Variants in DNAH11 observed in about 807,000 individuals in gnomAD.
DNAH11 encodes the protein dynein axonemal heavy chain 11.
Under a neutral mutation model 526.0 loss-of-function variants are expected in DNAH11, and 442 were observed. That is an observed-to-expected ratio of 0.84 (90% CI 0.78 to 0.91). The LOEUF is 0.91. Among genes scored for constraint, DNAH11 ranks in the 40% least tolerant of loss-of-function variants. The pLI is 0.00. For missense variants in DNAH11, 6,989 were observed against 5,448.7 expected (o/e 1.28, Z -8.90); for synonymous variants, 2,461 against 1,935.9 (o/e 1.27, Z -7.12).
At chr7:21,705,013 C>T (rs572406356) in intron 38 of DNAH11, among the ~76,000 whole-genome samples, 1 of 152,192 alleles carries the variant, frequency 6.6e-6, no homozygotes, top group Admixed American at 6.5e-5. Flanking sequence ...ATGAGAATAA[C>T]TTAAGTAGAT....
At position 21,601,185 on chromosome 7, in the gene DNAH11, C is replaced by G. The variant is rs1244760264; in HGVS notation, c.3425+6C>G. 16 of 1,581,444 alleles carry G rather than the reference C, an allele frequency of 1.0e-5. No homozygotes were observed. Among genetic ancestry groups the G allele is most frequent in the Non-Finnish European group, 1.3e-5 (15 of 1,170,188 alleles). On this transcript the variant is annotated splice_donor_region_variant and intron_variant, in intron 17 of 81. Coordinates refer to ENST00000409508, the MANE Select transcript of DNAH11 (RefSeq NM_001277115.2). ...TTGAGATTTGTCATTGACAGGTAGC[C>G]TTTTACTTTGGTTTTTGGAATTATA...
intron 20 of DNAH11, among the ~76,000 whole-genome samples, chr7:21,613,144 A>G (rs891552337): frequency 1.3e-5 from 2 of 151,148 alleles, no homozygotes; most frequent in African/African-American, 2.5e-5. Flanking sequence ...ATGTAGTACT[A>G]TGCAGTAGGG....
In DNAH11 at chr7:21,690,828, C is replaced by T; in HGVS notation, c.5988C>T (p.Asn1996=). 1.2e-6 allele frequency: 2 copies of T among 1,612,814 alleles called. No individual in the cohort carries two copies. The highest frequency in any genetic ancestry group is 1.3e-5 in the African/African-American group (1 of 74,976). Residue 1996 remains asparagine, a synonymous_variant, in exon 35 of 82, where the codon AAC becomes AAT. Transcript: ENST00000409508. ...CAGTTGGAATATTTATTACTATGAA[C>T]CCGGGTTATGCTGGTCGAACCGAAT... ...KPSVGIFITM[N]PGYAGRTELP...
chr7:21,592,002 G>C (rs1562685180), intron 14 of DNAH11, among the ~76,000 whole-genome samples: 1 of 151,904 alleles, frequency 6.6e-6, no homozygotes, highest in Non-Finnish European at 1.5e-5. Context: ...ACAAAGATTT[G>C]AGTTCCTAAA....
chr7:21,837,130 A>G (rs1034282916), intron 65 of DNAH11, among the ~76,000 whole-genome samples: 2 of 152,196 alleles, frequency 1.3e-5, no homozygotes, highest in Admixed American at 1.3e-4. Context: ...GGGGATGCTT[A>G]TACACCATTG....
At chr7:21,587,642 G>A (rs1174333013) in intron 9 of DNAH11, among the ~76,000 whole-genome samples, 1 of 152,038 alleles carries the variant, frequency 6.6e-6, no homozygotes, top group African/African-American at 2.4e-5. Context: ...AATTATTCAT[G>A]CTGTGACCTA....
chr7:21,641,144 A>G (rs368392627), intron 28 of DNAH11, among the ~76,000 whole-genome samples: 3 of 152,112 alleles, frequency 2.0e-5, no homozygotes, highest in East Asian at 1.9e-4. Flanking sequence ...CTCCTTTTCT[A>G]CCTAGGCAGA....
chr7:21,698,079 T>A lies in DNAH11; in HGVS notation c.6046T>A (p.Cys2016Ser). 1 of 1,610,762 alleles carries A rather than the reference T, an allele frequency of 6.2e-7. No individual in the cohort carries two copies. Among genetic ancestry groups the A allele is most frequent in the East Asian group, 2.2e-5 (1 of 44,858 alleles). ...PENLKALFRP[C>S]AMVAPDIELI... ...AAATTCTTATTTACTTTTTAGACCC[T>A]GTGCCATGGTGGCCCCTGACATTGA... Residue 2016 changes from cysteine (C) to serine (S), a missense_variant, in exon 36 of 82, where the codon TGT (cysteine) becomes AGT (serine). Coordinates refer to ENST00000409508, the MANE Select transcript of DNAH11 (RefSeq NM_001277115.2).
At chr7:21,561,193 T>A in intron 5 of DNAH11, 23 bp downstream of exon 5, 1 of 1,517,552 alleles carries the variant, frequency 6.6e-7, no homozygotes, top group Non-Finnish European at 9.0e-7. Flanking sequence ...TTCCTCAGCC[T>A]GGCATCAATA....
At chr7:21,606,349 T>A in intron 18 of DNAH11, 77 bp from the exon 19 acceptor site, 1 of 1,174,378 alleles carries the variant, frequency 8.5e-7, no homozygotes, top group Admixed American at 2.7e-5. Context: ...AGAAAGAAAT[T>A]AGAGTCATTT....
chr7:21,576,825 AAC>A (rs1402982383), intron 8 of DNAH11, among the ~76,000 whole-genome samples: 4 of 152,238 alleles, frequency 2.6e-5, no homozygotes, highest in Non-Finnish European at 2.9e-5. Context: ...AAAGTGTGAA[AAC>A]ACACATGGGA....
chr7:21,556,378 T>C (rs1428402267), intron 2 of DNAH11, among the ~76,000 whole-genome samples: 2 of 152,242 alleles, frequency 1.3e-5, no homozygotes, highest in Non-Finnish European at 2.9e-5. Flanking sequence ...TCTGAAACAG[T>C]ACCCAGTACG....
intron 81 of DNAH11, among the ~76,000 whole-genome samples, chr7:21,900,645 A>C (rs1784756100): frequency 2.0e-5 from 3 of 152,266 alleles, no homozygotes; most frequent in African/African-American, 7.2e-5. Context: ...AGCAAGTGCC[A>C]CAAGTTCTGG....
chr7:21,733,686 A>G (rs1189699322), intron 45 of DNAH11, among the ~76,000 whole-genome samples: 1 of 152,212 alleles, frequency 6.6e-6, no homozygotes, highest in Non-Finnish European at 1.5e-5. Flanking sequence ...TTATTTAATT[A>G]ACAGCATCTT....
In DNAH11 at chr7:21,725,914, A is replaced by G; in HGVS notation, c.7370A>G (p.Lys2457Arg). ...ATCTTTGATTATTATGTGGACCACA[A>G]AACTAAGAAATTATTGCCCTGGGCT... ...GTIFDYYVDH[K>R]TKKLLPWADK... Residue 2457 changes from lysine to arginine, a missense_variant, in exon 45 of 82, where the codon AAA (lysine) becomes AGA (arginine). Coordinates refer to ENST00000409508, the MANE Select transcript of DNAH11 (RefSeq NM_001277115.2). The G allele has an allele frequency of 1.3e-6, 2 of 1,583,870 alleles. No homozygotes were observed. The highest frequency in any genetic ancestry group is 1.7e-6 in the Non-Finnish European group (2 of 1,163,856).
chr7:21,708,150 A>G (rs1784341076), intron 40 of DNAH11, among the ~76,000 whole-genome samples: 1 of 152,180 alleles, frequency 6.6e-6, no homozygotes, highest in African/African-American at 2.4e-5. Context: ...ACCTGATATG[A>G]GGCACTGAAG....
chr7:21,710,492 C>T lies in DNAH11; in HGVS notation c.6684-61C>T, dbSNP rs1392687716. ...TTTATTTAGTTAATAAAAGAGCTTC[C>T]AAGATGAATAATATCAATCTATCGT... On this transcript the variant is annotated intron_variant, in intron 40 of 81. Transcript: ENST00000409508. 3 of 1,445,832 alleles carry T rather than the reference C, an allele frequency of 2.1e-6. No homozygotes were observed. The South Asian group carries it at 4.0e-5, about 19-fold the overall frequency. The allele number at this position is 1,445,832 out of a possible 1,614,324, so 89.6% of individuals were successfully genotyped here.
intron 29 of DNAH11, among the ~76,000 whole-genome samples, chr7:21,658,410 C>G (rs957333036): frequency 4.0e-5 from 6 of 151,852 alleles, no homozygotes; most frequent in Non-Finnish European, 7.4e-5. Context: ...TGACTCATAC[C>G]TCTATAGGTG....
intron 68 of DNAH11, among the ~76,000 whole-genome samples, chr7:21,861,512 T>C (rs1783063619): frequency 6.6e-6 from 1 of 152,242 alleles, no homozygotes; most frequent in South Asian, 2.1e-4. Flanking sequence ...GTATGTACAC[T>C]TAAAATTGTT....
Sources: allele counts gnomAD v4.1 joint callset (sites outside exome capture counted in the v4.1 genomes callset), GRCh38; gene constraint gnomAD v4.1.1; transcripts MANE v1.5; gene names NCBI Gene and HGNC (gene_info 2026-07-23, HGNC 2026-07-21).